STX2: variants seen among roughly 807,000 people sequenced by gnomAD.
STX2 encodes the protein syntaxin 2, also known as syntaxin-2.
Under a neutral mutation model 40.6 loss-of-function variants are expected in STX2, and 27 were observed. That is an observed-to-expected ratio of 0.66 (90% confidence interval 0.49 to 0.92). STX2 has a LOEUF of 0.92. Ranked by LOEUF, STX2 falls within the 40% of genes least tolerant of loss-of-function variation. The pLI, the probability that STX2 is intolerant of heterozygous loss-of-function variation, is 0.00. For missense variants in STX2, 328 were observed against 366.1 expected, an observed-to-expected ratio of 0.90 and a Z score of 0.85; for synonymous variants, 123 against 119.1, an observed-to-expected ratio of 1.03 and a Z score of -0.22.
chr12:130,833,244 C>T (rs73162898), intron 1 of STX2, among the ~76,000 whole-genome samples: 466 of 151,984 alleles, frequency 3.1e-3, no homozygotes, highest in Middle Eastern at 0.014. Flanking sequence ...TGACAAACGT[C>T]AACAAACGGA....
intron 6 of STX2, among the ~76,000 whole-genome samples, chr12:130,802,288 C>T (rs1369594740): frequency 1.3e-5 from 2 of 152,212 alleles, no homozygotes; most frequent in Admixed American, 6.5e-5. Context: ...ACCTCTTCCT[C>T]CCGGGTTCAA....
chr12:130,796,093 C>T lies in STX2; in HGVS notation c.814G>A (p.Val272Met). Residue 272 changes from valine (V) to methionine (M), a missense_variant, in exon 10 of 11, where the codon GTG (valine) becomes ATG (methionine). Val to Met is a conservative substitution (Grantham distance 21). Coordinates refer to ENST00000392373, the MANE Select transcript of STX2 (RefSeq NM_194356.4). ...RKKWIIIAVS[V>M]VLVAIIALII... Reference sequence around the variant, plus strand: ...AGAGCGATTATGGCAACCAGAACCACTGACACAGCAATAATTATCCACTTT... The same window carrying T: ...AGAGCGATTATGGCAACCAGAACCATTGACACAGCAATAATTATCCACTTT... The T allele has an allele frequency of 6.2e-7, 1 of 1,614,210 alleles. No individual in the cohort carries two copies. Among genetic ancestry groups the T allele is most frequent in the Non-Finnish European group, 8.5e-7 (1 of 1,180,036 alleles).
intron 6 of STX2, among the ~76,000 whole-genome samples, chr12:130,802,769 GGATTAGTATACATGT>G (rs1198887232): frequency 2.0e-5 from 3 of 152,076 alleles, no homozygotes; most frequent in African/African-American, 4.8e-5. Flanking sequence ...CAACACGCTG[GGATTAGTATACATGT>G]GAGCCACCAC....
At chr12:130,834,653 C>G (rs184383886) in intron 1 of STX2, among the ~76,000 whole-genome samples, 1 of 152,244 alleles carries the variant, frequency 6.6e-6, no homozygotes, top group Admixed American at 6.5e-5. Flanking sequence ...AACTAAAGGA[C>G]ATGTTTAGAT....
In STX2 at chr12:130,823,750, C is replaced by T. The variant is rs1403231689; in HGVS notation, c.106-1962G>A. On this transcript the variant is annotated intron_variant, in intron 2 of 10. Transcript: ENST00000392373. ...CACAGTGATTGCGGTGATTTTGTTA[C>T]AGCAGCAGCAGGAAACTGACACACG... Among the ~76,000 whole-genome samples the T allele has an allele frequency of 3.3e-5, 5 of 152,202 alleles. 1 individual carries two copies. Among genetic ancestry groups the T allele is most frequent in the South Asian group, 4.1e-4 (2 of 4,832 alleles).
intron 2 of STX2, among the ~76,000 whole-genome samples, chr12:130,826,687 T>A (rs1027662139): frequency 6.6e-6 from 1 of 152,236 alleles, no homozygotes; most frequent in East Asian, 1.9e-4. Flanking sequence ...AAATGCACAA[T>A]CATATTGATA....
At chr12:130,798,736 G>A in intron 8 of STX2, 101 bp from the exon 9 acceptor site, 1 of 771,126 alleles carries the variant, frequency 1.3e-6, no homozygotes, top group Non-Finnish European at 2.0e-6. Flanking sequence ...AACACGATGT[G>A]CATGTAATGG....
intron 2 of STX2, among the ~76,000 whole-genome samples, chr12:130,826,555 G>T (rs1300660690): frequency 6.6e-6 from 1 of 152,194 alleles, no homozygotes; most frequent in Admixed American, 6.5e-5. Flanking sequence ...GACTGCATTA[G>T]AACGATGATT....
At position 130,839,089 on chromosome 12, in the gene STX2, C is replaced by T. The variant is rs1263306620; in HGVS notation, c.11G>A (p.Arg4Gln). MRD[R>Q]LPDLTACRKN... ...GCTCACCGCCGTCAGGTCTGGCAGC[C>T]GGTCCCGCATCCCCGCCGGCCGGGC... Residue 4 changes from arginine to glutamine, a missense_variant, in exon 1 of 11, where the codon CGG (arginine) becomes CAG (glutamine). Physicochemically the swap from Arg to Gln is conservative, Grantham distance 43. Coordinates refer to ENST00000392373, the MANE Select transcript of STX2 (RefSeq NM_194356.4). The T allele has an allele frequency of 1.1e-5, 14 of 1,319,840 alleles. No individual in the cohort carries two copies. The highest frequency in any genetic ancestry group is 2.0e-5 in the South Asian group (1 of 49,010). The allele number at this position is 1,319,840 out of a possible 1,614,324, so 81.8% of individuals were successfully genotyped here. A position where few individuals can be genotyped will look rare whatever the true frequency, so the allele number is the denominator to read the frequency against.
chr12:130,812,927 CAATA>C, intron 4 of STX2, 26 bp downstream of exon 4: 1 of 1,427,286 alleles, frequency 7.0e-7, no homozygotes, highest in Non-Finnish European at 9.6e-7. Flanking sequence ...CTCCCAACAT[CAATA>C]ATTAAACATA....
intron 3 of STX2, among the ~76,000 whole-genome samples, chr12:130,816,706 A>G (rs1951872245): frequency 6.6e-6 from 1 of 152,160 alleles, no homozygotes; most frequent in Non-Finnish European, 1.5e-5. Context: ...AAAGAAATAA[A>G]AACAAAAGAA....
At chr12:130,825,427 A>G (rs12829294) in intron 2 of STX2, among the ~76,000 whole-genome samples, 52,783 of 152,124 alleles carry the variant, frequency 0.35, 9,501 homozygotes, top group Middle Eastern at 0.4. Flanking sequence ...TACATGGAAG[A>G]GTTAAGCAAC....
chr12:130,838,002 T>C (rs1327316541), intron 1 of STX2, among the ~76,000 whole-genome samples: 1 of 152,190 alleles, frequency 6.6e-6, no homozygotes, highest in African/African-American at 2.4e-5. Flanking sequence ...TAAGTGGCTC[T>C]TTTCTCTATT....
intron 1 of STX2, among the ~76,000 whole-genome samples, chr12:130,829,825 C>G (rs1205711754): frequency 6.6e-6 from 1 of 152,118 alleles, no homozygotes; most frequent in Non-Finnish European, 1.5e-5. Flanking sequence ...ACCCAAATAC[C>G]CATGGAGGGG....
chr12:130,812,568 CCT>C (rs1339442535), intron 4 of STX2: 3 of 280,508 alleles, frequency 1.1e-5, no homozygotes, highest in Non-Finnish European at 2.1e-5. Flanking sequence ...GTTTAAGTCC[CCT>C]GTTTTACATG....
intron 3 of STX2, among the ~76,000 whole-genome samples, chr12:130,819,924 G>A (rs188223258): frequency 6.3e-4 from 96 of 152,300 alleles, no homozygotes; most frequent in African/African-American, 2.1e-3. Context: ...AACATTTTGG[G>A]AAACACACTT....
intron 1 of STX2, among the ~76,000 whole-genome samples, chr12:130,828,867 C>CAAAAAA (rs71451381): frequency 4.1e-5 from 5 of 121,584 alleles, no homozygotes; most frequent in Admixed American, 8.5e-5. Context: ...GACTCTGTCT[C>CAAAAAA]AAAAAAAAAA....
chr12:130,798,857 A>C (rs1228678197), intron 8 of STX2, among the ~76,000 whole-genome samples: 1 of 152,232 alleles, frequency 6.6e-6, no homozygotes, highest in Non-Finnish European at 1.5e-5. Flanking sequence ...AATGAAAAGG[A>C]ATGGGCCACC....
chr12:130,820,766 C>T (rs1362332579), intron 3 of STX2, among the ~76,000 whole-genome samples: 4 of 152,108 alleles, frequency 2.6e-5, no homozygotes, highest in Non-Finnish European at 4.4e-5. Flanking sequence ...GAAAGATGTG[C>T]GCGACCCTCC....
Sources: allele counts gnomAD v4.1 joint callset (sites outside exome capture counted in the v4.1 genomes callset), GRCh38; gene constraint gnomAD v4.1.1; transcripts MANE v1.5; gene names NCBI Gene and HGNC (gene_info 2026-07-23, HGNC 2026-07-21).